Variants in BTAF1 observed in about 807,000 individuals in gnomAD.
The protein encoded by BTAF1 is B-TFIID TATA-box binding protein associated factor 1, also known as TATA-binding protein-associated factor 172.
Under a neutral mutation model 227.1 loss-of-function variants are expected in BTAF1, and 38 were observed. The ratio of observed to expected loss-of-function variants is 0.17; its 90% CI spans 0.13 to 0.22. The LOEUF (loss-of-function observed/expected upper bound fraction) is 0.22. BTAF1 is among the 10% of genes least tolerant of loss of function. The pLI is 1.00. For missense variants in BTAF1, 1,598 were observed against 2,204.0 expected (o/e 0.73, Z 5.51); for synonymous variants, 742 against 751.9 (o/e 0.99, Z 0.21).
chr10:91,981,584 T>C (rs1314339242), intron 15 of BTAF1, 59 bp from the exon 16 acceptor site: 1 of 1,505,778 alleles, frequency 6.6e-7, no homozygotes, highest in African/African-American at 1.4e-5. Context: ...TAAAGATAAG[T>C]GTTAGAGTTT....
intron 25 of BTAF1, among the ~76,000 whole-genome samples, chr10:92,001,007 A>G (rs755715958): frequency 2.6e-5 from 4 of 152,250 alleles, no homozygotes; most frequent in Non-Finnish European, 5.9e-5. Context: ...ATGGAAAAAC[A>G]GGCAACAGAT....
chr10:91,959,738 GTGTATATATATA>G (rs759708066), intron 9 of BTAF1, 35 bp from the exon 10 acceptor site: 749 of 369,474 alleles, frequency 2.0e-3, no homozygotes, highest in East Asian at 9.3e-3. Context: ...GTGTGTGTGT[GTGTATATATATA>G]TATATATATA....
intron 32 of BTAF1, 36 bp downstream of exon 32, chr10:92,014,065 GT>G: frequency 6.3e-7 from 1 of 1,582,280 alleles, no homozygotes. Flanking sequence ...TTAGTGGTAT[GT>G]TTATTAGCAG....
chr10:91,978,289 A>C (rs1224679333), intron 14 of BTAF1, among the ~76,000 whole-genome samples: 2 of 152,168 alleles, frequency 1.3e-5, no homozygotes, highest in African/African-American at 4.8e-5. Flanking sequence ...TATAGGGGGA[A>C]AATCTTCCTC....
At chr10:92,006,029 A>G (rs1377921725) in intron 25 of BTAF1, among the ~76,000 whole-genome samples, 1 of 151,870 alleles carries the variant, frequency 6.6e-6, no homozygotes, top group South Asian at 2.1e-4. Flanking sequence ...CCATGTCACC[A>G]CACCTGGCTA....
chr10:92,026,801 C>T (rs780172848), intron 36 of BTAF1, 50 bp downstream of exon 36: 1 of 1,557,840 alleles, frequency 6.4e-7, no homozygotes, highest in Non-Finnish European at 8.7e-7. Context: ...TGAAAATATA[C>T]TCCCCCAGAA....
intron 25 of BTAF1, among the ~76,000 whole-genome samples, chr10:92,004,155 A>G (rs1339096125): frequency 2.6e-5 from 4 of 152,162 alleles, no homozygotes; most frequent in African/African-American, 7.2e-5. Context: ...ATGGTTCGCA[A>G]ATAATTTTTC....
At chr10:92,028,241 A>G (rs527968382) in intron 37 of BTAF1, among the ~76,000 whole-genome samples, 44 of 152,320 alleles carry the variant, frequency 2.9e-4, no homozygotes, top group African/African-American at 8.9e-4. Flanking sequence ...AGTGACCAGA[A>G]CTGGGCTCAG....
chr10:91,948,514 C>T (rs1845544387), intron 4 of BTAF1, among the ~76,000 whole-genome samples: 1 of 151,264 alleles, frequency 6.6e-6, no homozygotes, highest in South Asian at 2.1e-4. Flanking sequence ...CTTGCTAGGA[C>T]CACAGGCACG....
At chr10:91,961,053 T>C (rs2133898364) in intron 11 of BTAF1, among the ~76,000 whole-genome samples, 1 of 152,308 alleles carries the variant, frequency 6.6e-6, no homozygotes, top group African/African-American at 2.4e-5. Context: ...AAACATCTCT[T>C]TTCTCCTTCT....
chr10:91,956,528 C>T lies in BTAF1; in HGVS notation c.702C>T (p.Ser234=). Residue 234 remains serine (S), a splice_region_variant and synonymous_variant, in exon 7 of 38, where the codon AGC becomes AGT. Coordinates refer to ENST00000265990, the MANE Select transcript of BTAF1 (RefSeq NM_003972.3). The part of the protein sequence containing the change: ...SRDAVETNEK[S]NDSTDGEPEE... ...CTAAATGGTGACTTTTATTTTTTAG[C>T]AATGATAGCACTGATGGGGAGCCAG... 1 of 1,591,976 alleles carries T rather than the reference C, an allele frequency of 6.3e-7. No individual in the cohort carries two copies. The highest frequency in any genetic ancestry group is 8.5e-7 in the Non-Finnish European group (1 of 1,173,746).
chr10:91,956,711 C>T, intron 7 of BTAF1, 54 bp downstream of exon 7: 1 of 1,567,556 alleles, frequency 6.4e-7, no homozygotes. Flanking sequence ...ATCTTTGGGC[C>T]AGCAGCGGTG....
rs1851858403 is a variant in BTAF1, at chr10:92,030,969, A to T, written c.*2036A>T. Among the ~76,000 whole-genome samples, 1 of 152,194 alleles carries T rather than the reference A, an allele frequency of 6.6e-6. No homozygotes were observed. Among genetic ancestry groups the T allele is most frequent in the Admixed American group, 6.5e-5 (1 of 15,290 alleles). On this transcript the variant is annotated 3_prime_UTR_variant, in exon 38 of 38. Transcript: ENST00000265990. ...ATGTGGAGAATTGAACTGAGTAATG[A>T]ATGATATTAAAGAACTGCTGTCAAT...
chr10:91,986,565 G>T (rs1001895146), intron 19 of BTAF1, among the ~76,000 whole-genome samples: 2 of 151,860 alleles, frequency 1.3e-5, no homozygotes, highest in African/African-American at 4.8e-5. Flanking sequence ...TTTCCCCCTG[G>T]GTTCTCTTCT....
chr10:91,925,818 T>A (rs1391476809), intron 1 of BTAF1, among the ~76,000 whole-genome samples: 3 of 152,196 alleles, frequency 2.0e-5, no homozygotes, highest in Admixed American at 6.5e-5. Flanking sequence ...CCAACACTAA[T>A]CTCTTTACGG....
intron 8 of BTAF1, among the ~76,000 whole-genome samples, chr10:91,958,745 TTCCTC>T (rs1462172399): frequency 1.3e-5 from 2 of 152,134 alleles, no homozygotes; most frequent in Non-Finnish European, 2.9e-5. Context: ...GATACTTTCT[TTCCTC>T]TCTCTTGCTG....
At chr10:91,937,588 A>G (rs1365991405) in intron 2 of BTAF1, among the ~76,000 whole-genome samples, 1 of 152,130 alleles carries the variant, frequency 6.6e-6, no homozygotes, top group Admixed American at 6.6e-5. Context: ...TTTTGCTCAA[A>G]ATAATGTTTT....
chr10:91,991,195 G>A (rs1434081043), intron 20 of BTAF1, among the ~76,000 whole-genome samples: 5 of 149,666 alleles, frequency 3.3e-5, no homozygotes, highest in Non-Finnish European at 5.9e-5. Context: ...GCAGTGAGCC[G>A]AGATCGCACT....
intron 32 of BTAF1, among the ~76,000 whole-genome samples, chr10:92,015,540 ATTTC>A (rs1209017389): frequency 1.3e-5 from 2 of 152,164 alleles, no homozygotes; most frequent in African/African-American, 4.8e-5. Context: ...AAAAATTAAT[ATTTC>A]TTGAAAGGAA....
Sources: gnomAD v4.1 joint callset for allele counts (sites outside exome capture counted in the v4.1 genomes callset) on GRCh38, gnomAD v4.1.1 for gene constraint, MANE v1.5 for transcripts, NCBI Gene and HGNC (gene_info 2026-07-23, HGNC 2026-07-21) for gene names.